Variants in PARD3B observed in about 807,000 individuals in gnomAD.
PARD3B encodes par-3 family cell polarity regulator beta.
A neutral mutation model predicts 130.2 loss-of-function variants in PARD3B; 103 were observed. The observed-to-expected ratio is 0.79, with a 90% CI of 0.67 to 0.93. The LOEUF is 0.93. Ranked by LOEUF, PARD3B falls within the 40% of genes least tolerant of loss-of-function variation. PARD3B has a pLI of 0.00. For synonymous variants in PARD3B, 583 were observed against 553.2 expected (o/e 1.05, Z -0.76); for missense variants, 1,609 against 1,499.2 (o/e 1.07, Z -1.21).
intron 10 of PARD3B, among the ~76,000 whole-genome samples, chr2:205,140,486 CTTTTTTTT>C (rs35408494): frequency 8.5e-6 from 1 of 117,496 alleles, no homozygotes; most frequent in African/African-American, 3.2e-5. Flanking sequence ...AAGACCGTTC[CTTTTTTTT>C]TTTTTTTTTT....
intron 2 of PARD3B, among the ~76,000 whole-genome samples, chr2:204,715,484 C>CTT (rs77864369): frequency 8.9e-5 from 12 of 135,550 alleles, no homozygotes; most frequent in African/African-American, 1.9e-4. Context: ...TGCTGTTTTT[C>CTT]TTTTTTTTTT....
rs186084188 is a variant in PARD3B at position 204,554,855 on chromosome 2, C to T, written c.120+8736C>T. Among the ~76,000 whole-genome samples the T allele has an allele frequency of 6.1e-4, 93 of 152,322 alleles. 1 individual carries two copies. Among genetic ancestry groups the T allele is most frequent in the African/African-American group, 2.2e-3 (90 of 41,576 alleles). On this transcript the variant is annotated intron_variant, in intron 1 of 22. Coordinates refer to ENST00000406610, the MANE Select transcript of PARD3B (RefSeq NM_001302769.2). ...CTGAGACTGCTATCCTTAGAAAGCC[C>T]TGCTTGCGAAGCGGGGCCTTGGCTG...
chr2:205,522,432 G>A (rs1301556678), intron 21 of PARD3B, among the ~76,000 whole-genome samples: 6 of 151,886 alleles, frequency 4.0e-5, no homozygotes, highest in Admixed American at 6.6e-5. Flanking sequence ...CAAGGACAGC[G>A]ACGTCTCCCA....
At chr2:204,895,744 C>T (rs766901944) in intron 2 of PARD3B, among the ~76,000 whole-genome samples, 5 of 151,970 alleles carry the variant, frequency 3.3e-5, no homozygotes, top group African/African-American at 9.7e-5. Context: ...ATTCCTTATC[C>T]CTATTTACAC....
Position 205,121,912 on chromosome 2 carries a change from T to C in PARD3B, c.1128T>C (p.Asn376=), listed in dbSNP as rs2030785481. The C allele has an allele frequency of 1.2e-6, 2 of 1,612,228 alleles. No individual in the cohort carries two copies. Among genetic ancestry groups the C allele is most frequent in the Non-Finnish European group, 1.7e-6 (2 of 1,179,384 alleles). The change falls in exon 8 of 23, where the codon AAT becomes AAC. Residue 376 remains asparagine, a synonymous_variant. Transcript: ENST00000406610. The surrounding 1 kb of genome is among the most constrained non-coding windows in gnomAD (Gnocchi z 5.0). Reference sequence around the variant, plus strand: ...CGCCTCTCATGGGATTTGGCAGCAATAAAAATGCAAAGAAAATTAAGATTG... The same window carrying C: ...CGCCTCTCATGGGATTTGGCAGCAACAAAAATGCAAAGAAAATTAAGATTG... ...SLSPLMGFGS[N]KNAKKIKIDL... is the part of the protein sequence containing the mutation.
At chr2:204,682,615 ATGGC>A (rs2036888337) in intron 1 of PARD3B, among the ~76,000 whole-genome samples, 1 of 152,222 alleles carries the variant, frequency 6.6e-6, no homozygotes, top group Non-Finnish European at 1.5e-5. Context: ...AACCAGTTGC[ATGGC>A]TGAGAACTGT....
Position 205,563,646 on chromosome 2 carries a change from G to T in PARD3B, c.3260+10243G>T, listed in dbSNP as rs2053217666. 2.0e-5 allele frequency among the ~76,000 whole-genome samples: 2 copies of T among 101,552 alleles called. No individual in the cohort carries two copies. The highest frequency in any genetic ancestry group is 2.4e-5 in the Non-Finnish European group (1 of 41,890). 66.6% of individuals were successfully genotyped at this position (101,552 alleles called of 152,430 possible). A position where few individuals can be genotyped will look rare whatever the true frequency, so the allele number is the denominator to read the frequency against. ...AAAATAGAAAATGTCAAAACCTACG[G>T]GTTGTAAAAAAAAAAAGTAATAAAA... On this transcript the variant is annotated intron_variant, in intron 22 of 22. Transcript: ENST00000406610. The surrounding 1 kb of genome is among the most constrained non-coding windows in gnomAD (Gnocchi z 4.2).
chr2:204,820,140 A>G (rs967374720), intron 2 of PARD3B, among the ~76,000 whole-genome samples: 1 of 143,150 alleles, frequency 7.0e-6, no homozygotes, highest in African/African-American at 2.7e-5. Context: ...CAATGGTGCA[A>G]TCTCAGCTTA....
chr2:204,576,330 G>A (rs925653865), intron 1 of PARD3B, among the ~76,000 whole-genome samples: 6 of 152,128 alleles, frequency 3.9e-5, no homozygotes, highest in Non-Finnish European at 8.8e-5. Flanking sequence ...GGGACACAAG[G>A]TACATTTGAA....
intron 15 of PARD3B, among the ~76,000 whole-genome samples, chr2:205,240,250 AT>A (rs543688523): frequency 3.0e-3 from 452 of 152,282 alleles, no homozygotes; most frequent in Non-Finnish European, 4.5e-3. Context: ...AACTACATCA[AT>A]TTTTTTAAGT....
intron 3 of PARD3B, among the ~76,000 whole-genome samples, chr2:204,984,914 C>T (rs920328543): frequency 1.3e-5 from 2 of 152,002 alleles, no homozygotes; most frequent in African/African-American, 2.4e-5. Context: ...TGCCCACCCC[C>T]CCGCACCCCA....
chr2:205,381,531 AG>A (rs2045449123), intron 18 of PARD3B, among the ~76,000 whole-genome samples: 1 of 151,668 alleles, frequency 6.6e-6, no homozygotes, highest in South Asian at 2.1e-4. Flanking sequence ...TGTCTCCTCT[AG>A]TTTTACCCAT....
At chr2:205,083,352 A>G (rs1701548616) in intron 4 of PARD3B, among the ~76,000 whole-genome samples, 1 of 152,042 alleles carries the variant, frequency 6.6e-6, no homozygotes, top group South Asian at 2.1e-4. Context: ...AAAAAGAGGA[A>G]ATAACTTTCC....
At chr2:204,566,084 G>C (rs2031654790) in intron 1 of PARD3B, among the ~76,000 whole-genome samples, 1 of 152,162 alleles carries the variant, frequency 6.6e-6, no homozygotes, top group Non-Finnish European at 1.5e-5. Context: ...TTCAAGCTAA[G>C]GCATCAGTAG....
intron 2 of PARD3B, among the ~76,000 whole-genome samples, chr2:204,723,828 C>T (rs1160833480): frequency 6.6e-6 from 1 of 151,956 alleles, no homozygotes; most frequent in Non-Finnish European, 1.5e-5. Context: ...TTGAGGAAAG[C>T]CAGCATATTG....
At chr2:205,074,852 A>G in intron 4 of PARD3B, among the ~76,000 whole-genome samples, 1 of 152,134 alleles carries the variant, frequency 6.6e-6, no homozygotes, top group Non-Finnish European at 1.5e-5. Flanking sequence ...AAGACTCCAT[A>G]TTTTCCTAGG....
chr2:205,126,011 A>G (rs1000729652), intron 10 of PARD3B, among the ~76,000 whole-genome samples: 5 of 152,218 alleles, frequency 3.3e-5, no homozygotes, highest in African/African-American at 1.2e-4. Flanking sequence ...TCAATAAAAT[A>G]TATATTGAAT....
chr2:204,974,874 A>G (rs1692011298), intron 3 of PARD3B, among the ~76,000 whole-genome samples: 1 of 152,232 alleles, frequency 6.6e-6, no homozygotes, highest in Admixed American at 6.5e-5. Context: ...TTATTTATTG[A>G]TAACCCAGTA....
intron 2 of PARD3B, among the ~76,000 whole-genome samples, chr2:204,704,942 G>T (rs147010350): frequency 6.6e-6 from 1 of 152,146 alleles, no homozygotes; most frequent in Non-Finnish European, 1.5e-5. Context: ...GAACTGGAGC[G>T]AGGCATTATG....
Sources: allele counts gnomAD v4.1 joint callset (sites outside exome capture counted in the v4.1 genomes callset), GRCh38; gene constraint gnomAD v4.1.1; non-coding constraint Gnocchi (gnomAD v3.1); transcripts MANE v1.5; gene names NCBI Gene and HGNC (gene_info 2026-07-23, HGNC 2026-07-21).